The following GDAP1 variants were observed in gnomAD, a reference collection of about 807,000 sequenced individuals.
The protein encoded by GDAP1 is ganglioside induced differentiation associated protein 1.
A neutral mutation model predicts 40.1 loss-of-function variants in GDAP1; 34 were observed. That is an observed-to-expected ratio of 0.85 (90% CI 0.64 to 1.13). The LOEUF is 1.13. Among genes scored for constraint, GDAP1 ranks in the 50% most tolerant of loss-of-function variants. The pLI is 0.00. For missense variants in GDAP1, 374 were observed against 433.7 expected (o/e 0.86, Z 1.22); for synonymous variants, 170 against 157.4 (o/e 1.08, Z -0.60).
chr8:74,365,790 A>G lies in GDAP1; in HGVS notation c.*1423A>G. 1 of 453,456 alleles carries G rather than the reference A, an allele frequency of 2.2e-6. No individual in the cohort carries two copies. The highest frequency in any genetic ancestry group is 2.4e-5 in the Admixed American group (1 of 42,314). The allele number at this position is 453,456 out of a possible 1,614,324, so 28.1% of individuals were successfully genotyped here. On this transcript the variant is annotated 3_prime_UTR_variant, in exon 6 of 6. Coordinates refer to ENST00000220822, the MANE Select transcript of GDAP1 (RefSeq NM_018972.4). ...GATGAACTATATGTTCCCGATTTAC[A>G]AAAAAATTAATAAAACCTCCAGAGT...
chr8:74,426,782 C>A (rs777880269), intron 2 of GDAP1, among the ~76,000 whole-genome samples: 1 of 152,074 alleles, frequency 6.6e-6, no homozygotes, highest in Non-Finnish European at 1.5e-5. Flanking sequence ...TGTTCTCAGG[C>A]CTTTGTTTTT....
intron 2 of GDAP1, among the ~76,000 whole-genome samples, chr8:74,416,825 G>A (rs1805785626): frequency 6.7e-6 from 1 of 149,792 alleles, no homozygotes; most frequent in Admixed American, 6.6e-5. Flanking sequence ...GGAGTGCACT[G>A]CATCAAAGGA....
chr8:74,386,027 G>A (rs1019411840), intron 2 of GDAP1, among the ~76,000 whole-genome samples: 6 of 152,068 alleles, frequency 3.9e-5, no homozygotes, highest in African/African-American at 1.4e-4. Flanking sequence ...CCCACTTTTT[G>A]ATGGGGTTGT....
chr8:74,446,510 G>A (rs553777231), intron 2 of GDAP1, among the ~76,000 whole-genome samples: 33 of 152,166 alleles, frequency 2.2e-4, no homozygotes, highest in African/African-American at 7.9e-4. Flanking sequence ...CTAAAAAACA[G>A]TTTATCTTGT....
downstream of GDAP1, among the ~76,000 whole-genome samples, chr8:74,371,769 T>G (rs1809755843): frequency 8.5e-6 from 1 of 117,116 alleles, no homozygotes; most frequent in Non-Finnish European, 2.0e-5. Flanking sequence ...TGTTAAAAAT[T>G]TTTTATTTTT....
intron 2 of GDAP1, among the ~76,000 whole-genome samples, chr8:74,436,738 A>T (rs941073668): frequency 2.0e-5 from 3 of 152,000 alleles, no homozygotes; most frequent in Admixed American, 6.6e-5. Flanking sequence ...TCTTCCTTTA[A>T]TTCCAAGAGA....
Position 74,366,561 on chromosome 8 carries a change from G to C in GDAP1, c.*2194G>C. On this transcript the variant is annotated 3_prime_UTR_variant, in exon 6 of 6. Coordinates refer to ENST00000220822, the MANE Select transcript of GDAP1 (RefSeq NM_018972.4). ...TATTTTCTTTTTCATGATTATCGGTGACTGGTCAGTGTACTCATCAATTTC... is the reference window on the plus strand; with the variant it reads ...TATTTTCTTTTTCATGATTATCGGTCACTGGTCAGTGTACTCATCAATTTC... 1 of 453,742 alleles carries C rather than the reference G, an allele frequency of 2.2e-6. No individual in the cohort carries two copies. The allele number at this position is 453,742 out of a possible 1,614,324, so 28.1% of individuals were successfully genotyped here.
At chr8:74,423,589 A>G (rs1224651287) in intron 2 of GDAP1, among the ~76,000 whole-genome samples, 2 of 151,954 alleles carry the variant, frequency 1.3e-5, no homozygotes, top group African/African-American at 4.8e-5. Context: ...TACAAGCTAA[A>G]TAATTTTTAC....
chr8:74,410,194 T>C (rs1805692422), intron 2 of GDAP1, among the ~76,000 whole-genome samples: 1 of 150,154 alleles, frequency 6.7e-6, no homozygotes, highest in Non-Finnish European at 1.5e-5. Context: ...CTGATGCCAA[T>C]TCTGGTGCCA....
At chr8:74,461,414 C>T (rs1307874881) in intron 2 of GDAP1, among the ~76,000 whole-genome samples, 2 of 152,150 alleles carry the variant, frequency 1.3e-5, no homozygotes, top group Non-Finnish European at 2.9e-5. Context: ...TGAAAGACTG[C>T]ATTGTAAATA....
At chr8:74,445,354 T>G (rs1438102183) in intron 2 of GDAP1, among the ~76,000 whole-genome samples, 2 of 152,222 alleles carry the variant, frequency 1.3e-5, no homozygotes, top group South Asian at 2.1e-4. Context: ...TAAGGTTGTT[T>G]GCTTTGCTTC....
chr8:74,422,350 TTCCCTTCCTTCCTTCC>T (rs747734852), intron 2 of GDAP1, among the ~76,000 whole-genome samples: 1,480 of 47,590 alleles, frequency 0.031, 52 homozygotes, highest in African/African-American at 0.073. Context: ...TCTTTCTTTC[TTCCCTTCCTTCCTTCC>T]TTCCTTCCTT....
Position 74,366,109 on chromosome 8 carries a change from A to G in GDAP1, c.*1742A>G, listed in dbSNP as rs1444817647. 2.3e-6 allele frequency: 1 copy of G among 443,846 alleles called. No individual in the cohort carries two copies. The highest frequency in any genetic ancestry group is 1.6e-5 in the South Asian group (1 of 61,046). The allele number at this position is 443,846 out of a possible 1,614,324, so 27.5% of individuals were successfully genotyped here. ...AATAAAAATTAGAAGTCCATGGTTA[A>G]CTTTTCCTTCAATTTATATTATTCC... On this transcript the variant is annotated 3_prime_UTR_variant, in exon 6 of 6. Transcript: ENST00000220822.
At chr8:74,380,433 A>C (rs944842859) in intron 2 of GDAP1, among the ~76,000 whole-genome samples, 1 of 152,162 alleles carries the variant, frequency 6.6e-6, no homozygotes, top group African/African-American at 2.4e-5. Flanking sequence ...CTGTGAGGCA[A>C]AATTTGCCTA....
At chr8:74,466,119 T>A (rs1435429656) in intron 2 of GDAP1, among the ~76,000 whole-genome samples, 2 of 152,212 alleles carry the variant, frequency 1.3e-5, no homozygotes, top group African/African-American at 4.8e-5. Flanking sequence ...CAGAGCAAAA[T>A]ATGCTTAAAT....
At chr8:74,420,967 C>T (rs1017022521) in intron 2 of GDAP1, among the ~76,000 whole-genome samples, 1 of 152,026 alleles carries the variant, frequency 6.6e-6, no homozygotes, top group African/African-American at 2.4e-5. Flanking sequence ...TGAAACTCTT[C>T]TCTTTCCTCA....
intron 2 of GDAP1, among the ~76,000 whole-genome samples, chr8:74,441,230 C>T (rs551830480): frequency 2.0e-5 from 3 of 152,108 alleles, no homozygotes; most frequent in Non-Finnish European, 4.4e-5. Flanking sequence ...AAGACTTGGG[C>T]CACTTTCCTT....
intron 2 of GDAP1, among the ~76,000 whole-genome samples, chr8:74,358,894 G>T (rs1412184722): frequency 2.6e-5 from 4 of 152,134 alleles, no homozygotes; most frequent in Non-Finnish European, 5.9e-5. Context: ...GAGTGCTTCT[G>T]GCTTTGATAA....
chr8:74,366,956 G>A, downstream of GDAP1: 1 of 339,964 alleles, frequency 2.9e-6, no homozygotes, highest in South Asian at 2.4e-5. Context: ...TAGTTAAAAG[G>A]GTAAAATAAG....
Sources: gnomAD v4.1 joint callset for allele counts (sites outside exome capture counted in the v4.1 genomes callset) on GRCh38, gnomAD v4.1.1 for gene constraint, MANE v1.5 for transcripts, NCBI Gene and HGNC (gene_info 2026-07-23, HGNC 2026-07-21) for gene names.